The following ULBP1 variants were observed in gnomAD, a reference collection of about 807,000 sequenced individuals.
ULBP1 encodes the protein UL16 binding protein 1, also known as UL16-binding protein 1.
A neutral mutation model predicts 25.3 loss-of-function variants in ULBP1; 28 were observed. That is an observed-to-expected ratio of 1.10 (90% CI 0.82 to 1.51). The LOEUF is 1.51. Among genes scored for constraint, ULBP1 ranks in the 40% most tolerant of loss-of-function variants. ULBP1 has a pLI of 0.00. For synonymous variants in ULBP1, 129 were observed against 103.0 expected (o/e 1.25, Z -1.53); for missense variants, 348 against 290.9 (o/e 1.20, Z -1.43).
Position 149,964,765 on chromosome 6 carries a change from C to G in ULBP1, c.85+631C>G, listed in dbSNP as rs1220841068. Among the ~76,000 whole-genome samples the G allele has an allele frequency of 2.7e-5, 4 of 147,994 alleles. No homozygotes were observed. In the East Asian group the frequency reaches 8.1e-4, roughly 30 times the overall value. ...TCTGGTAGCACCGGCGCGATGCCCCCGAACATCGCGTTCTACCCCAACATC... is the reference window on the plus strand; with the variant it reads ...TCTGGTAGCACCGGCGCGATGCCCCGGAACATCGCGTTCTACCCCAACATC... On this transcript the variant is annotated intron_variant, in intron 1 of 4. Transcript: ENST00000229708.
At chr6:149,970,365 C>T (rs1224846457) in intron 4 of ULBP1, among the ~76,000 whole-genome samples, 1 of 152,166 alleles carries the variant, frequency 6.6e-6, no homozygotes, top group African/African-American at 2.4e-5. Flanking sequence ...AGGGAGGGAC[C>T]CATACCAAGG....
At chr6:149,965,534 G>A (rs1779190370) in intron 1 of ULBP1, among the ~76,000 whole-genome samples, 1 of 152,200 alleles carries the variant, frequency 6.6e-6, no homozygotes, top group Non-Finnish European at 1.5e-5. Context: ...CCCTAGGGAA[G>A]GAGAAACCAG....
chr6:149,970,736 G>A (rs1292062379), intron 4 of ULBP1, among the ~76,000 whole-genome samples: 1 of 152,216 alleles, frequency 6.6e-6, no homozygotes, highest in Non-Finnish European at 1.5e-5. Flanking sequence ...AGGCCCCTTG[G>A]ACCCATGGGA....
chr6:149,971,317 C>T (rs1271106658), intron 4 of ULBP1, 52 bp from the exon 5 acceptor site: 1 of 984,870 alleles, frequency 1.0e-6, no homozygotes, highest in Non-Finnish European at 1.2e-6. Context: ...CCCAGGAGAA[C>T]AGACCCAGGT....
At position 149,964,008 on chromosome 6, in the gene ULBP1, G is replaced by C. The variant is rs1477754423; in HGVS notation, c.-42G>C. On this transcript the variant is annotated 5_prime_UTR_variant, in exon 1 of 5. Transcript: ENST00000229708. ...AACAGCCGTGGTGTGAGCCTCGAAG[G>C]GAACCATCAGCGCCTCCTGTCCACG... 6.2e-7 allele frequency: 1 copy of C among 1,604,988 alleles called. No individual in the cohort carries two copies. Among genetic ancestry groups the C allele is most frequent in the African/African-American group, 1.3e-5 (1 of 74,642 alleles).
chr6:149,968,545 A>G, intron 1 of ULBP1, 62 bp from the exon 2 acceptor site: 1 of 1,551,628 alleles, frequency 6.4e-7, no homozygotes. Context: ...CATAAGTGGG[A>G]GGAGGGGATA....
intron 4 of ULBP1, among the ~76,000 whole-genome samples, chr6:149,971,153 C>T (rs115242232): frequency 2.2e-4 from 34 of 152,284 alleles, no homozygotes; most frequent in Non-Finnish European, 3.8e-4. Context: ...TGTGAGCCCC[C>T]CTGGGCTGTA....
intron 1 of ULBP1, among the ~76,000 whole-genome samples, chr6:149,965,341 C>A (rs1459018589): frequency 6.6e-6 from 1 of 151,184 alleles, no homozygotes; most frequent in African/African-American, 2.5e-5. Context: ...TGGCTGAAGG[C>A]ACTCAGTTCC....
Position 149,971,527 on chromosome 6 carries a change from G to C in ULBP1, c.*181G>C, listed in dbSNP as rs1779317532. 5.2e-6 allele frequency: 2 copies of C among 384,270 alleles called. No individual in the cohort carries two copies. The highest frequency in any genetic ancestry group is 3.5e-6 in the Non-Finnish European group (1 of 282,752). 23.8% of individuals were successfully genotyped at this position (384,270 alleles called of 1,614,324 possible). On this transcript the variant is annotated 3_prime_UTR_variant, in exon 5 of 5. Transcript: ENST00000229708. ...CCAGCAGACGATGAGGACATTGTCG[G>C]CTCAACATCTCAGGCCACTCATTAC...
chr6:149,973,652 T>A lies in ULBP1; in HGVS notation c.*2306T>A, dbSNP rs1187483858. 6.6e-6 allele frequency: 1 copy of A among 152,214 alleles called. No individual in the cohort carries two copies. The highest frequency in any genetic ancestry group is 1.5e-5 in the Non-Finnish European group (1 of 68,038). 9.4% of individuals were successfully genotyped at this position (152,214 alleles called of 1,614,324 possible). On this transcript the variant is annotated 3_prime_UTR_variant, in exon 5 of 5. Coordinates refer to ENST00000229708, the MANE Select transcript of ULBP1 (RefSeq NM_025218.4). ...GTATAAAAATTTGTATGATGATAATTGTATAATAATTATACATGAAAGTGC... is the reference window on the plus strand; with the variant it reads ...GTATAAAAATTTGTATGATGATAATAGTATAATAATTATACATGAAAGTGC...
At position 149,964,036 on chromosome 6, in the gene ULBP1, G is replaced by T; in HGVS notation, c.-14G>T. The stretch of plus-strand genomic sequence containing the variant: ...ACCATCAGCGCCTCCTGTCCACGGA[G>T]CTCCAGGTCTACAATGGCAGCGGCC... On this transcript the variant is annotated 5_prime_UTR_variant, in exon 1 of 5. Coordinates refer to ENST00000229708, the MANE Select transcript of ULBP1 (RefSeq NM_025218.4). 1.2e-6 allele frequency: 2 copies of T among 1,613,702 alleles called. No individual in the cohort carries two copies. Among genetic ancestry groups the T allele is most frequent in the Non-Finnish European group, 1.7e-6 (2 of 1,179,930 alleles).
chr6:149,970,191 G>A lies in ULBP1; in HGVS notation c.*22+44G>A, dbSNP rs1392061294. 3.3e-6 allele frequency: 5 copies of A among 1,535,820 alleles called. No individual in the cohort carries two copies. The Admixed American group carries it at 8.0e-5, about 25-fold the overall frequency. ...GGAGGGGAGCAAGAGGCAGATGGGT[G>A]AGATGGGAGGATGTGGAAGGAGAAT... On this transcript the variant is annotated intron_variant, in intron 4 of 4. Coordinates refer to ENST00000229708, the MANE Select transcript of ULBP1 (RefSeq NM_025218.4).
Position 149,969,322 on chromosome 6 carries a change from A to G in ULBP1, c.587A>G (p.Glu196Gly). Residue 196 changes from glutamate (E) to glycine (G), a missense_variant, in exon 3 of 5, where the codon GAA becomes GGA. Transcript: ENST00000229708. ...GGGGATTGTAAGATGTGGCTTGAAG[A>G]ATTTTTGATGTACTGGGAACAAATG... ...SLGDCKMWLE[E>G]FLMYWEQMLD... 6.2e-7 allele frequency: 1 copy of G among 1,614,062 alleles called. No homozygotes were observed. Among genetic ancestry groups the G allele is most frequent in the Non-Finnish European group, 8.5e-7 (1 of 1,179,888 alleles).
In ULBP1 at chr6:149,971,404, G is replaced by A; in HGVS notation, c.*58G>A. ...ATATCAAGAAGCCTCTGTTAGCCTG[G>A]TCTGGGTCCTGCTCTCCCTTCAGGG... On this transcript the variant is annotated 3_prime_UTR_variant, in exon 5 of 5. Transcript: ENST00000229708. 1.0e-6 allele frequency: 1 copy of A among 985,332 alleles called. No individual in the cohort carries two copies. The highest frequency in any genetic ancestry group is 4.7e-5 in the South Asian group (1 of 21,282). 61.0% of individuals were successfully genotyped at this position (985,332 alleles called of 1,614,324 possible).
In ULBP1 at chr6:149,970,069, C is replaced by A. The variant is rs745621142; in HGVS notation, c.679C>A (p.Leu227Ile). The A allele has an allele frequency of 6.2e-7, 1 of 1,613,580 alleles. No homozygotes were observed. The highest frequency in any genetic ancestry group is 8.5e-7 in the Non-Finnish European group (1 of 1,179,816). ...CCAACCCAAGGCCATGGCCACCACCCTCAGTCCCTGGAGCCTTCTCATCAT... is the reference window on the plus strand; with the variant it reads ...CCAACCCAAGGCCATGGCCACCACCATCAGTCCCTGGAGCCTTCTCATCAT... ...TTQPKAMATT[L>I]SPWSLLIIFL... The change falls in exon 4 of 5, where the codon CTC (leucine) becomes ATC (isoleucine). Residue 227 changes from leucine to isoleucine, a missense_variant. Physicochemically the swap from Leu to Ile is conservative, Grantham distance 5. Transcript: ENST00000229708.
intron 1 of ULBP1, among the ~76,000 whole-genome samples, chr6:149,964,544 C>T (rs1779162157): frequency 7.3e-6 from 1 of 136,894 alleles, no homozygotes; most frequent in South Asian, 2.5e-4. Context: ...CGAACATCGC[C>T]CTCTCTCCGA....
chr6:149,965,141 CGAACATCGCGATCCCCCA>C (rs1779180833), intron 1 of ULBP1, among the ~76,000 whole-genome samples: 3 of 145,078 alleles, frequency 2.1e-5, no homozygotes, highest in South Asian at 2.2e-4. Flanking sequence ...GCGGTCTCCC[CGAACATCGCGATCCCCCA>C]GAACATCGCG....
chr6:149,964,611 A>G (rs1779164495), intron 1 of ULBP1, among the ~76,000 whole-genome samples: 1 of 146,320 alleles, frequency 6.8e-6, no homozygotes, highest in African/African-American at 2.6e-5. Flanking sequence ...CTCCCCGAAC[A>G]TTGCCATCTC....
Position 149,969,333 on chromosome 6 carries a change from T to C in ULBP1, c.598T>C (p.Tyr200His). 6.2e-7 allele frequency: 1 copy of C among 1,613,802 alleles called. No individual in the cohort carries two copies. Among genetic ancestry groups the C allele is most frequent in the South Asian group, 1.1e-5 (1 of 91,072 alleles). The change falls in exon 3 of 5, where the codon TAC (tyrosine) becomes CAC (histidine). Residue 200 changes from tyrosine (Y) to histidine (H), a missense_variant. Tyr to His is a moderately conservative substitution (Grantham distance 83). Coordinates refer to ENST00000229708, the MANE Select transcript of ULBP1 (RefSeq NM_025218.4). ...GATGTGGCTTGAAGAATTTTTGATGTACTGGGAACAAATGCTGGATCCAAC... is the reference window on the plus strand; with the variant it reads ...GATGTGGCTTGAAGAATTTTTGATGCACTGGGAACAAATGCTGGATCCAAC... ...CKMWLEEFLM[Y>H]WEQMLDPTKP...
Sources: gnomAD v4.1 joint callset for allele counts (sites outside exome capture counted in the v4.1 genomes callset) on GRCh38, gnomAD v4.1.1 for gene constraint, MANE v1.5 for transcripts, NCBI Gene and HGNC (gene_info 2026-07-23, HGNC 2026-07-21) for gene names.